The following ANKRD31 variants were observed in gnomAD, a reference collection of about 807,000 sequenced individuals.
ANKRD31 encodes the protein ankyrin repeat domain-containing protein 31.
ANKRD31 carries 147 observed loss-of-function variants against 186.0 expected under a neutral mutation model. That is an observed-to-expected ratio of 0.79 (90% CI 0.69 to 0.91). The LOEUF (loss-of-function observed/expected upper bound fraction) is 0.91. Among genes scored for constraint, ANKRD31 ranks in the 40% least tolerant of loss-of-function variants. ANKRD31 has a pLI of 0.00. For synonymous variants in ANKRD31, 673 were observed against 736.4 expected (o/e 0.91, Z 1.39); for missense variants, 1,986 against 2,148.8 (o/e 0.92, Z 1.50).
chr5:75,109,693 G>C (rs534799934), intron 20 of ANKRD31, among the ~76,000 whole-genome samples: 6 of 152,268 alleles, frequency 3.9e-5, no homozygotes, highest in African/African-American at 1.4e-4. Flanking sequence ...CTGCTGAGCT[G>C]AGAAGTAATT....
chr5:75,206,711 C>T (rs916547792), intron 4 of ANKRD31, among the ~76,000 whole-genome samples: 1 of 152,070 alleles, frequency 6.6e-6, no homozygotes, highest in African/African-American at 2.4e-5. Flanking sequence ...AATAAATGAC[C>T]TGAGGAGTGT....
chr5:75,187,980 G>A (rs1036910256), intron 10 of ANKRD31, among the ~76,000 whole-genome samples: 49 of 152,180 alleles, frequency 3.2e-4, no homozygotes, highest in African/African-American at 1.1e-3. Context: ...TACCCACAGG[G>A]AACATTGTAC....
intron 10 of ANKRD31, among the ~76,000 whole-genome samples, chr5:75,172,976 C>T (rs1289683465): frequency 1.3e-5 from 2 of 152,086 alleles, no homozygotes; most frequent in South Asian, 2.1e-4. Context: ...AACATTGATG[C>T]AAAAATCCTC....
intron 17 of ANKRD31, among the ~76,000 whole-genome samples, chr5:75,134,880 C>T (rs561671565): frequency 7.9e-5 from 12 of 152,168 alleles, no homozygotes; most frequent in African/African-American, 2.9e-4. Context: ...AATCAATAAA[C>T]GTAATCAATC....
At chr5:75,123,540 A>G (rs942854305) in intron 17 of ANKRD31, among the ~76,000 whole-genome samples, 1 of 152,136 alleles carries the variant, frequency 6.6e-6, no homozygotes, top group Admixed American at 6.6e-5. Context: ...ACTTCAAATT[A>G]TACTGCAAGG....
intron 23 of ANKRD31, among the ~76,000 whole-genome samples, chr5:75,089,769 T>C (rs1039964258): frequency 6.6e-6 from 1 of 152,226 alleles, no homozygotes; most frequent in African/African-American, 2.4e-5. Flanking sequence ...TTGCCCTACT[T>C]TTAGTGCCCA....
chr5:75,177,676 C>A (rs1753918347), intron 10 of ANKRD31, among the ~76,000 whole-genome samples: 1 of 152,106 alleles, frequency 6.6e-6, no homozygotes, highest in Admixed American at 6.5e-5. Flanking sequence ...TACAGACAAG[C>A]AAATGCTGAG....
intron 10 of ANKRD31, among the ~76,000 whole-genome samples, chr5:75,176,705 A>C (rs1453519482): frequency 1.1e-4 from 16 of 152,224 alleles, no homozygotes; most frequent in Admixed American, 5.2e-4. Flanking sequence ...ACAAAAAGAA[A>C]GGACATCCAC....
rs572622067 is a variant in ANKRD31, at chr5:75,203,456, G to A, written c.403+2955C>T. On this transcript the variant is annotated intron_variant, in intron 5 of 25. Transcript: ENST00000506364. Reference sequence around the variant, plus strand: ...AGGTGGGTGGATCACATGAGGTCACGAGTTTAAGACTAGCCTAGCCAACAT... The same window carrying A: ...AGGTGGGTGGATCACATGAGGTCACAAGTTTAAGACTAGCCTAGCCAACAT... 6.6e-5 allele frequency among the ~76,000 whole-genome samples: 10 copies of A among 152,144 alleles called. No homozygotes were observed. The South Asian group carries it at 1.9e-3, about 28-fold the overall frequency.
intron 25 of ANKRD31, among the ~76,000 whole-genome samples, chr5:75,069,576 C>T (rs1264318526): frequency 6.6e-6 from 1 of 151,636 alleles, no homozygotes; most frequent in Non-Finnish European, 1.5e-5. Context: ...GATGGAGTCT[C>T]ACTCTGTTGC....
chr5:75,190,336 C>T (rs1313248779), intron 9 of ANKRD31, among the ~76,000 whole-genome samples: 1 of 152,060 alleles, frequency 6.6e-6, no homozygotes, highest in African/African-American at 2.4e-5. Context: ...AGAATTTTTG[C>T]ATCTATATTC....
chr5:75,069,496 T>C (rs1744042352), intron 25 of ANKRD31, among the ~76,000 whole-genome samples: 1 of 152,118 alleles, frequency 6.6e-6, no homozygotes, highest in Non-Finnish European at 1.5e-5. Flanking sequence ...TCAGAACATA[T>C]CCCATTCAGA....
At chr5:75,157,210 C>T (rs1752242972) in intron 11 of ANKRD31, among the ~76,000 whole-genome samples, 1 of 152,094 alleles carries the variant, frequency 6.6e-6, no homozygotes, top group African/African-American at 2.4e-5. Context: ...TTTGCAAGGG[C>T]TCAGAAGGAA....
intron 10 of ANKRD31, among the ~76,000 whole-genome samples, chr5:75,176,712 C>T (rs1193545147): frequency 6.6e-6 from 1 of 152,158 alleles, no homozygotes; most frequent in East Asian, 1.9e-4. Flanking sequence ...GAAAGGACAT[C>T]CACACCAAAA....
chr5:75,073,006 T>C (rs1292093235), intron 25 of ANKRD31, among the ~76,000 whole-genome samples: 1 of 152,246 alleles, frequency 6.6e-6, no homozygotes, highest in African/African-American at 2.4e-5. Context: ...TAGGAACTTT[T>C]CATCTCATTT....
Position 75,147,296 on chromosome 5 carries a change from G to A in ANKRD31, c.2115C>T (p.Tyr705=), listed in dbSNP as rs113352474. The change falls in exon 14 of 26, where the codon TAC becomes TAT. Residue 705 remains tyrosine, a synonymous_variant. Coordinates refer to ENST00000506364, the MANE Select transcript of ANKRD31 (RefSeq NM_001372053.1). ...GATTGCCCTTTCTGAGTCCTGTAGA[G>A]TATATCTGGTCAAGAGTTGATTGTT... ...KHKQSTLDQI[Y]STGLRKGNLH... 7.3e-4 allele frequency: 1,117 copies of A among 1,535,148 alleles called. 6 individuals carry two copies. The African/African-American group carries it at 0.01, about 14-fold the overall frequency.
At chr5:75,141,078 T>G (rs1751013846) in intron 15 of ANKRD31, among the ~76,000 whole-genome samples, 1 of 152,200 alleles carries the variant, frequency 6.6e-6, no homozygotes, top group South Asian at 2.1e-4. Context: ...TGATGCAAAC[T>G]AAGGTTTGAG....
rs1459356905 is a variant in ANKRD31, at chr5:75,195,644, G to T, written c.1004C>A (p.Thr335Lys). The part of the protein sequence containing the change: ...FNTSQTNEDC[T>K]QIAETLQDPN... Reference sequence around the variant, plus strand: ...TTCAAAATTCACCTCTGCTATTTGTGTACAATCTTCATTGGTCTGAGACGT... The same window carrying T: ...TTCAAAATTCACCTCTGCTATTTGTTTACAATCTTCATTGGTCTGAGACGT... The change falls in exon 7 of 26, where the codon ACA becomes AAA. Residue 335 changes from threonine to lysine, a missense_variant. Physicochemically the swap from Thr to Lys is moderately conservative, Grantham distance 78. Coordinates refer to ENST00000506364, the MANE Select transcript of ANKRD31 (RefSeq NM_001372053.1). The T allele has an allele frequency of 6.6e-7, 1 of 1,525,754 alleles. No homozygotes were observed. Among genetic ancestry groups the T allele is most frequent in the South Asian group, 1.2e-5 (1 of 81,612 alleles). The allele number at this position is 1,525,754 out of a possible 1,614,324, so 94.5% of individuals were successfully genotyped here.
intron 22 of ANKRD31, among the ~76,000 whole-genome samples, chr5:75,097,967 T>C (rs2150043482): frequency 6.6e-6 from 1 of 152,270 alleles, no homozygotes; most frequent in East Asian, 1.9e-4. Flanking sequence ...CAGATCGTTG[T>C]AGATGTGTGG....
Sources: gnomAD v4.1 joint callset for allele counts (sites outside exome capture counted in the v4.1 genomes callset) on GRCh38, gnomAD v4.1.1 for gene constraint, MANE v1.5 for transcripts, NCBI Gene and HGNC (gene_info 2026-07-23, HGNC 2026-07-21) for gene names.